ADAMTS19: variants seen among roughly 807,000 people sequenced by gnomAD.
ADAMTS19 encodes the protein ADAM metallopeptidase with thrombospondin type 1 motif 19.
A neutral mutation model predicts 153.3 loss-of-function variants in ADAMTS19; 93 were observed. The ratio of observed to expected loss-of-function variants is 0.61; its 90% CI spans 0.51 to 0.72. The LOEUF is 0.72. Among genes scored for constraint, ADAMTS19 ranks in the 30% least tolerant of loss-of-function variants. The probability of loss-of-function intolerance (pLI) is 0.00; values close to 1 mark genes in which losing one functional copy is unlikely to be tolerated. For synonymous variants in ADAMTS19, 600 were observed against 556.6 expected, an observed-to-expected ratio of 1.08 and a Z score of -1.10; for missense variants, 1,482 against 1,552.1, an observed-to-expected ratio of 0.95 and a Z score of 0.76.
At chr5:129,700,342 C>A (rs32799) in intron 19 of ADAMTS19, among the ~76,000 whole-genome samples, 143,143 of 152,272 alleles carry the variant, frequency 0.94, 67,398 homozygotes, top group East Asian at 1. Context: ...AGTGTCTATG[C>A]TCATATCAAA....
At position 129,684,254 on chromosome 5, in the gene ADAMTS19, C is replaced by T. The variant is rs754348548; in HGVS notation, c.2799C>T (p.Cys933=). 10 of 1,613,816 alleles carry T rather than the reference C, an allele frequency of 6.2e-6. No individual in the cohort carries two copies. Among genetic ancestry groups the T allele is most frequent in the South Asian group, 4.4e-5 (4 of 91,064 alleles). The change falls in exon 18 of 23, where the codon TGC becomes TGT. Residue 933 remains cysteine, a synonymous_variant. Transcript: ENST00000274487. The part of the protein sequence containing the change: ...FMWTHTSWED[C]DATCGGGERK... ...GGACACACACAAGCTGGGAAGATTGCGATGCCACTTGTGGAGGAGGTGAAG... is the reference window on the plus strand; with the variant it reads ...GGACACACACAAGCTGGGAAGATTGTGATGCCACTTGTGGAGGAGGTGAAG...
intron 7 of ADAMTS19, among the ~76,000 whole-genome samples, chr5:129,588,830 G>A (rs919022276): frequency 6.6e-6 from 1 of 151,672 alleles, no homozygotes; most frequent in Non-Finnish European, 1.5e-5. Flanking sequence ...CCCAATTCAA[G>A]AGGTTTTTAA....
intron 16 of ADAMTS19, among the ~76,000 whole-genome samples, chr5:129,671,216 T>C (rs1452295046): frequency 6.6e-6 from 1 of 151,900 alleles, no homozygotes. Context: ...AGAATAGAAA[T>C]AGGAAACACC....
intron 3 of ADAMTS19, among the ~76,000 whole-genome samples, chr5:129,510,769 G>T (rs1312180586): frequency 1.3e-5 from 2 of 150,862 alleles, no homozygotes; most frequent in African/African-American, 2.4e-5. Context: ...ATAGAGAAAA[G>T]GTTTCTAGAA....
At chr5:129,553,195 G>A (rs1283189380) in intron 7 of ADAMTS19, among the ~76,000 whole-genome samples, 1 of 151,970 alleles carries the variant, frequency 6.6e-6, no homozygotes, top group Non-Finnish European at 1.5e-5. Context: ...TGTTTGATAG[G>A]GACAGCTCAA....
intron 7 of ADAMTS19, among the ~76,000 whole-genome samples, chr5:129,576,599 T>TA (rs1554094981): frequency 6.6e-6 from 1 of 152,010 alleles, no homozygotes; most frequent in African/African-American, 2.4e-5. Flanking sequence ...TTTTTTTTTT[T>TA]TAGTTAAATA....
chr5:129,715,036 T>C (rs914308132), intron 21 of ADAMTS19, among the ~76,000 whole-genome samples: 3 of 152,194 alleles, frequency 2.0e-5, no homozygotes, highest in African/African-American at 7.2e-5. Context: ...ATTAAGTAAG[T>C]AAATGTCATG....
chr5:129,737,231 T>C lies in ADAMTS19; in HGVS notation c.*13T>C. 6.3e-7 allele frequency: 1 copy of C among 1,583,714 alleles called. No homozygotes were observed. Among genetic ancestry groups the C allele is most frequent in the Non-Finnish European group, 8.6e-7 (1 of 1,159,602 alleles). Reference sequence around the variant, plus strand: ...GCAGAAGAGTTGACCTCTAGCAGGCTGGCTGGATCACAGCTCTTGGCAATT... The same window carrying C: ...GCAGAAGAGTTGACCTCTAGCAGGCCGGCTGGATCACAGCTCTTGGCAATT... On this transcript the variant is annotated 3_prime_UTR_variant, in exon 23 of 23. Coordinates refer to ENST00000274487, the MANE Select transcript of ADAMTS19 (RefSeq NM_133638.6).
intron 2 of ADAMTS19, among the ~76,000 whole-genome samples, chr5:129,477,864 T>A (rs894352664): frequency 1.3e-5 from 2 of 152,222 alleles, no homozygotes; most frequent in Non-Finnish European, 2.9e-5. Flanking sequence ...GTCTACTTAA[T>A]CCTTCTCTCA....
In ADAMTS19 at chr5:129,647,776, T is replaced by C. The variant is rs753414604; in HGVS notation, c.1884T>C (p.Ala628=). 1.5e-5 allele frequency: 24 copies of C among 1,613,880 alleles called. No individual in the cohort carries two copies. The highest frequency in any genetic ancestry group is 8.3e-5 in the Admixed American group (5 of 59,996). The stretch of plus-strand genomic sequence containing the variant: ...AACTTTTGGAATAGTGGTGTAAGGC[T>C]GGAGAATGTACCAGCAGGACCTCAG... ...TDCDLGKWCK[A]GECTSRTSAP... Residue 628 remains alanine, a synonymous_variant, in exon 12 of 23, where the codon GCT becomes GCC. Coordinates refer to ENST00000274487, the MANE Select transcript of ADAMTS19 (RefSeq NM_133638.6).
chr5:129,629,292 T>C (rs986544905), intron 10 of ADAMTS19, among the ~76,000 whole-genome samples: 2 of 152,108 alleles, frequency 1.3e-5, no homozygotes, highest in Non-Finnish European at 2.9e-5. Context: ...ACCTATGCTA[T>C]AGGGCAGGTA....
chr5:129,632,723 C>A (rs1197715362), intron 10 of ADAMTS19, among the ~76,000 whole-genome samples: 1 of 152,012 alleles, frequency 6.6e-6, no homozygotes, highest in East Asian at 1.9e-4. Flanking sequence ...CCTCTATCTT[C>A]TCTTCTCCAT....
chr5:129,615,632 A>G (rs1002416854), intron 8 of ADAMTS19, among the ~76,000 whole-genome samples: 1 of 151,974 alleles, frequency 6.6e-6, no homozygotes, highest in Non-Finnish European at 1.5e-5. Flanking sequence ...ATATTAATAC[A>G]CTCATAAGAA....
chr5:129,545,161 T>A (rs1051040189), intron 6 of ADAMTS19, among the ~76,000 whole-genome samples: 7 of 151,886 alleles, frequency 4.6e-5, no homozygotes, highest in African/African-American at 1.5e-4. Flanking sequence ...TTAAAAAAAA[T>A]AAAAAATTTC....
chr5:129,620,620 T>A lies in ADAMTS19; in HGVS notation c.1481T>A (p.Met494Lys). The A allele has an allele frequency of 1.3e-6, 2 of 1,579,254 alleles. No individual in the cohort carries two copies. Among genetic ancestry groups the A allele is most frequent in the Non-Finnish European group, 1.7e-6 (2 of 1,163,568 alleles). ...AATTTTATTATATTCCAAATCAGCA[T>A]GGGCATTAACCATGACAATGACCAC... is the stretch of plus-strand genomic sequence containing the variant. ...FTIAHEMGHNMGINHDNDHPS... is the reference protein window; with the variant it reads ...FTIAHEMGHNKGINHDNDHPS... The change falls in exon 9 of 23, where the codon ATG becomes AAG. Residue 494 changes from methionine to lysine, a missense_variant and splice_region_variant. Transcript: ENST00000274487.
intron 8 of ADAMTS19, among the ~76,000 whole-genome samples, chr5:129,615,921 T>C (rs1751500106): frequency 6.6e-6 from 1 of 151,974 alleles, no homozygotes; most frequent in African/African-American, 2.4e-5. Flanking sequence ...ACTTATCTTT[T>C]TGACTACAGT....
chr5:129,591,827 A>C (rs773693101), intron 7 of ADAMTS19, among the ~76,000 whole-genome samples: 6 of 152,236 alleles, frequency 3.9e-5, no homozygotes, highest in Non-Finnish European at 7.4e-5. Flanking sequence ...TCTGGAGCCC[A>C]GAGACTTAAC....
At chr5:129,684,499 G>GCATTATATTACATTACATTACATTA (rs55770530) in intron 18 of ADAMTS19, among the ~76,000 whole-genome samples, 2,158 of 132,642 alleles carry the variant, frequency 0.016, 35 homozygotes, top group African/African-American at 0.021. Context: ...ACTACTCTTT[G>GCATTATATTACATTACATTACATTA]CATTACATTA....
At chr5:129,520,935 C>T (rs1432889994) in intron 3 of ADAMTS19, among the ~76,000 whole-genome samples, 1 of 152,050 alleles carries the variant, frequency 6.6e-6, no homozygotes, top group East Asian at 1.9e-4. Context: ...CTCTGAACTC[C>T]ATGAGGTTTT....
Sources: allele counts gnomAD v4.1 joint callset (sites outside exome capture counted in the v4.1 genomes callset), GRCh38; gene constraint gnomAD v4.1.1; transcripts MANE v1.5; gene names NCBI Gene and HGNC (gene_info 2026-07-23, HGNC 2026-07-21).